The following CDC42BPA variants were observed in gnomAD, a reference collection of about 807,000 sequenced individuals.
The protein encoded by CDC42BPA is CDC42 binding protein kinase alpha.
A neutral mutation model predicts 223.5 loss-of-function variants in CDC42BPA; 80 were observed. The ratio of observed to expected loss-of-function variants is 0.36; its 90% CI spans 0.30 to 0.43. The LOEUF is 0.43. CDC42BPA is among the 20% of genes least tolerant of loss of function. CDC42BPA has a pLI of 1.00. For synonymous variants in CDC42BPA, 694 were observed against 718.6 expected (o/e 0.97, Z 0.55); for missense variants, 1,743 against 2,099.9 (o/e 0.83, Z 3.32).
At chr1:227,122,493 ATAG>A (rs761528169) in intron 11 of CDC42BPA, among the ~76,000 whole-genome samples, 19 of 152,192 alleles carry the variant, frequency 1.2e-4, no homozygotes, top group Non-Finnish European at 2.5e-4. Context: ...TTGTTTCAAT[ATAG>A]TGTTAATTTC....
rs1188917725 is a variant in CDC42BPA at position 226,989,959 on chromosome 1, T to C, written c.*4309A>G. 1 of 152,654 alleles carries C rather than the reference T, an allele frequency of 6.6e-6. No individual in the cohort carries two copies. Among genetic ancestry groups the C allele is most frequent in the African/African-American group, 2.4e-5 (1 of 41,458 alleles). The allele number at this position is 152,654 out of a possible 1,614,324, so 9.5% of individuals were successfully genotyped here. A position where few individuals can be genotyped will look rare whatever the true frequency, so the allele number is the denominator to read the frequency against. ...TGGTGAGGAGTCTTTTGTGACATTT[T>C]TTACCATCCCACCTTAAATATTTCT... On this transcript the variant is annotated 3_prime_UTR_variant, in exon 37 of 37. Coordinates refer to ENST00000366766, the MANE Select transcript of CDC42BPA (RefSeq NM_001394014.1).
At chr1:227,119,682 A>AT in intron 12 of CDC42BPA, 122 bp downstream of exon 12, 1 of 649,680 alleles carries the variant, frequency 1.5e-6, no homozygotes, top group Admixed American at 4.2e-5. Flanking sequence ...TTTTTAGACC[A>AT]ACTTTTAAGA....
chr1:227,179,374 C>T (rs750641868), intron 5 of CDC42BPA, among the ~76,000 whole-genome samples: 20 of 151,950 alleles, frequency 1.3e-4, no homozygotes, highest in African/African-American at 4.6e-4. Flanking sequence ...TGGTGGCTCA[C>T]GCCTGTAATC....
At chr1:227,210,641 A>G (rs562786618) in intron 3 of CDC42BPA, among the ~76,000 whole-genome samples, 1 of 152,304 alleles carries the variant, frequency 6.6e-6, no homozygotes, top group Non-Finnish European at 1.5e-5. Context: ...TTCTTCCCCA[A>G]CATATCCAGC....
chr1:227,139,744 T>A lies in CDC42BPA; in HGVS notation c.1224-2A>T, dbSNP rs201105075. Reference sequence around the variant, plus strand: ...AAACAGCTCCGATCAGAAAGTACACTGAAGAAAAGAAAAAAAAATGTAGGT... The same window carrying A: ...AAACAGCTCCGATCAGAAAGTACACAGAAGAAAAGAAAAAAAAATGTAGGT... On this transcript the variant is annotated splice_acceptor_variant, in intron 9 of 36. Transcript: ENST00000366766. LOFTEE classifies it high-confidence loss of function. The A allele has an allele frequency of 6.7e-7, 1 of 1,500,340 alleles. No individual in the cohort carries two copies. The allele number at this position is 1,500,340 out of a possible 1,614,324, so 92.9% of individuals were successfully genotyped here.
At chr1:227,205,505 T>C (rs1672567244) in intron 3 of CDC42BPA, among the ~76,000 whole-genome samples, 1 of 130,952 alleles carries the variant, frequency 7.6e-6, no homozygotes, top group Non-Finnish European at 1.6e-5. Context: ...TTACTAATGA[T>C]CTACTTAAGA....
intron 10 of CDC42BPA, 101 bp downstream of exon 10, chr1:227,139,475 A>T (rs1258980031): frequency 2.7e-6 from 2 of 740,322 alleles, no homozygotes; most frequent in African/African-American, 1.8e-5. Flanking sequence ...TTCACCACTT[A>T]AAATAATTTT....
At chr1:227,145,843 TA>T (rs1267221821) in intron 7 of CDC42BPA, 106 bp from the exon 8 acceptor site, 7 of 840,186 alleles carry the variant, frequency 8.3e-6, no homozygotes, top group Non-Finnish European at 1.2e-5. Context: ...TAAATATATC[TA>T]ATAACTGCAT....
At chr1:227,117,992 A>G (rs1204915000) in intron 12 of CDC42BPA, among the ~76,000 whole-genome samples, 1 of 152,198 alleles carries the variant, frequency 6.6e-6, no homozygotes, top group Admixed American at 6.5e-5. Flanking sequence ...AGAAATGTAA[A>G]CGACAATAGA....
At chr1:227,179,107 G>A in intron 5 of CDC42BPA, among the ~76,000 whole-genome samples, 1 of 152,146 alleles carries the variant, frequency 6.6e-6, no homozygotes, top group East Asian at 1.9e-4. Context: ...TTCATTTATA[G>A]GCAATGTCTG....
intron 2 of CDC42BPA, among the ~76,000 whole-genome samples, chr1:227,221,386 T>A (rs558247116): frequency 9.4e-4 from 143 of 152,316 alleles, no homozygotes; most frequent in Non-Finnish European, 1.6e-3. Flanking sequence ...TGGTCATCTC[T>A]CTAGCATGTT....
At chr1:227,010,888 A>G (rs770696097) in intron 34 of CDC42BPA, 8 of 1,362,996 alleles carry the variant, frequency 5.9e-6, no homozygotes, top group Middle Eastern at 2.1e-4. Context: ...CCTCAGAGTC[A>G]TAAAGCTTGG....
At chr1:227,082,714 CAAAAAAAA>C (rs71574595) in intron 16 of CDC42BPA, among the ~76,000 whole-genome samples, 15 of 59,510 alleles carry the variant, frequency 2.5e-4, no homozygotes, top group African/African-American at 4.2e-4. Flanking sequence ...GACTCTGTCT[CAAAAAAAA>C]AAAAAAAAAA....
chr1:227,083,936 G>A (rs1242068978), intron 16 of CDC42BPA, among the ~76,000 whole-genome samples: 2 of 152,174 alleles, frequency 1.3e-5, no homozygotes, highest in Non-Finnish European at 1.5e-5. Context: ...GGAATACCAT[G>A]TTCAACTTCC....
chr1:227,234,614 C>T (rs1443954034), intron 2 of CDC42BPA: 1 of 152,314 alleles, frequency 6.6e-6, no homozygotes, highest in African/African-American at 2.4e-5. Context: ...AGCCTGTTCT[C>T]TCTCAGGTAG....
intron 1 of CDC42BPA, among the ~76,000 whole-genome samples, chr1:227,312,631 T>A (rs1221626979): frequency 6.6e-6 from 1 of 152,096 alleles, no homozygotes; most frequent in Admixed American, 6.5e-5. Flanking sequence ...GGTGGGAGGA[T>A]CTCTTGAGCC....
intron 5 of CDC42BPA, among the ~76,000 whole-genome samples, chr1:227,163,208 A>G (rs76810278): frequency 0.021 from 3,215 of 151,304 alleles, 126 homozygotes; most frequent in African/African-American, 0.074. Flanking sequence ...AAACATATAT[A>G]TGTGTGTGTA....
At chr1:227,021,421 G>T (rs1667355026) in intron 32 of CDC42BPA, among the ~76,000 whole-genome samples, 1 of 152,078 alleles carries the variant, frequency 6.6e-6, no homozygotes, top group African/African-American at 2.4e-5. Context: ...CTCTAAATGA[G>T]AATCACTTCT....
At chr1:227,067,656 A>C (rs1436029107) in intron 21 of CDC42BPA, among the ~76,000 whole-genome samples, 1 of 152,178 alleles carries the variant, frequency 6.6e-6, no homozygotes, top group Non-Finnish European at 1.5e-5. Flanking sequence ...GTTTAGAATG[A>C]AAATGTGCAA....
Sources: allele counts gnomAD v4.1 joint callset (sites outside exome capture counted in the v4.1 genomes callset), GRCh38; gene constraint gnomAD v4.1.1; transcripts MANE v1.5; gene names NCBI Gene and HGNC (gene_info 2026-07-23, HGNC 2026-07-21).